The following PHF21A variants were observed in gnomAD, a reference collection of about 807,000 sequenced individuals.
PHF21A encodes PHD finger protein 21A, also known as BHC80a.
PHF21A carries 11 observed loss-of-function variants against 82.5 expected under a neutral mutation model. The observed-to-expected ratio is 0.13, with a 90% confidence interval of 0.08 to 0.22. PHF21A has a LOEUF of 0.22. Ranked by LOEUF, PHF21A falls within the 10% of genes least tolerant of loss-of-function variation. PHF21A has a pLI of 1.00. For synonymous variants in PHF21A, 297 were observed against 302.8 expected, an observed-to-expected ratio of 0.98 and a Z score of 0.20; for missense variants, 579 against 837.8, an observed-to-expected ratio of 0.69 and a Z score of 3.81.
At chr11:45,962,154 C>T (rs2093126351) in intron 10 of PHF21A, among the ~76,000 whole-genome samples, 1 of 152,180 alleles carries the variant, frequency 6.6e-6, no homozygotes, top group Non-Finnish European at 1.5e-5. Context: ...TTTAGTTTAT[C>T]CACCTTATAT....
chr11:46,076,711 G>A (rs752721147), intron 6 of PHF21A, 43 bp downstream of exon 6: 1 of 1,496,754 alleles, frequency 6.7e-7, no homozygotes, highest in Admixed American at 1.7e-5. Context: ...CATATCTTTA[G>A]AACACAACGT....
At chr11:46,013,715 C>T (rs555251011) in intron 6 of PHF21A, among the ~76,000 whole-genome samples, 3 of 152,244 alleles carry the variant, frequency 2.0e-5, no homozygotes, top group East Asian at 3.9e-4. Flanking sequence ...ATGGTAATAG[C>T]CTATTGCTTA....
At chr11:45,979,386 C>G (rs2094183515) in intron 7 of PHF21A, among the ~76,000 whole-genome samples, 1 of 152,116 alleles carries the variant, frequency 6.6e-6, no homozygotes, top group South Asian at 2.1e-4. Flanking sequence ...AGCTCTATGC[C>G]TAGTTGCTAA....
intron 6 of PHF21A, among the ~76,000 whole-genome samples, chr11:46,046,080 T>C (rs2096251510): frequency 6.6e-6 from 1 of 152,238 alleles, no homozygotes; most frequent in Non-Finnish European, 1.5e-5. Flanking sequence ...GCTAGCCAGA[T>C]TACCAAACTT....
intron 6 of PHF21A, among the ~76,000 whole-genome samples, chr11:46,066,961 A>C (rs2096601652): frequency 6.6e-6 from 1 of 152,148 alleles, no homozygotes; most frequent in South Asian, 2.1e-4. Context: ...CTGTTTTACA[A>C]TTTGCTTTTT....
At chr11:46,018,249 C>CA (rs772133757) in intron 6 of PHF21A, among the ~76,000 whole-genome samples, 18,007 of 75,890 alleles carry the variant, frequency 0.24, 1,861 homozygotes, top group African/African-American at 0.39. Flanking sequence ...GACTCCGTCT[C>CA]AAAAAAAAAA....
At chr11:46,085,886 C>G (rs1040718779) in intron 3 of PHF21A, among the ~76,000 whole-genome samples, 1 of 151,904 alleles carries the variant, frequency 6.6e-6, no homozygotes, top group Non-Finnish European at 1.5e-5. Flanking sequence ...AGAAATCTCT[C>G]TCTCAGGGCT....
At chr11:45,952,537 G>A (rs1284908479) in intron 11 of PHF21A, among the ~76,000 whole-genome samples, 3 of 152,152 alleles carry the variant, frequency 2.0e-5, no homozygotes, top group Non-Finnish European at 4.4e-5. Flanking sequence ...TTAATTCTGT[G>A]GATGATTTCA....
chr11:46,072,564 C>T (rs770053512), intron 6 of PHF21A, among the ~76,000 whole-genome samples: 2 of 152,194 alleles, frequency 1.3e-5, no homozygotes, highest in Non-Finnish European at 2.9e-5. Flanking sequence ...ATTAAGTTTT[C>T]CCTGTTTACA....
chr11:45,993,012 C>T (rs1490505726), intron 6 of PHF21A, among the ~76,000 whole-genome samples: 1 of 152,178 alleles, frequency 6.6e-6, no homozygotes, highest in African/African-American at 2.4e-5. Context: ...CTGAAGCTAT[C>T]TAGGGAATTA....
chr11:45,954,535 C>CAAGCCTCTTCTTCCAG (rs2092476528), intron 10 of PHF21A, among the ~76,000 whole-genome samples: 1 of 151,888 alleles, frequency 6.6e-6, no homozygotes, highest in African/African-American at 2.4e-5. Flanking sequence ...CTAATTTTTC[C>CAAGCCTCTTCTTCCAG]AAGCCTCTTC....
At chr11:46,103,883 G>C (rs1428497727) in intron 1 of PHF21A, among the ~76,000 whole-genome samples, 2 of 152,108 alleles carry the variant, frequency 1.3e-5, no homozygotes, top group East Asian at 3.8e-4. Context: ...ATAAGATAGA[G>C]ACATTCGTAA....
At chr11:46,109,655 C>T (rs1376119861) in intron 1 of PHF21A, among the ~76,000 whole-genome samples, 4 of 152,036 alleles carry the variant, frequency 2.6e-5, no homozygotes, top group Non-Finnish European at 5.9e-5. Context: ...TTAAGAACTA[C>T]ACCATAAACA....
intron 1 of PHF21A, among the ~76,000 whole-genome samples, chr11:46,119,194 T>G (rs1852262908): frequency 6.6e-6 from 1 of 152,136 alleles, no homozygotes; most frequent in South Asian, 2.1e-4. Flanking sequence ...TGTTCTTCCC[T>G]CTCTAACTTT....
rs145708413 is a variant in PHF21A at position 46,070,372 on chromosome 11, C to G, written c.153+6382G>C. Among the ~76,000 whole-genome samples the G allele has an allele frequency of 2.0e-3, 304 of 151,918 alleles. 1 individual carries two copies. The highest frequency in any genetic ancestry group is 6.9e-3 in the African/African-American group (284 of 41,428). ...TTTGAGACGAGTCTCACTGTGTTGCCCAGGCTGGAGTGCAGTGGCACCATC... is the reference window on the plus strand; with the variant it reads ...TTTGAGACGAGTCTCACTGTGTTGCGCAGGCTGGAGTGCAGTGGCACCATC... On this transcript the variant is annotated intron_variant, in intron 6 of 18. Transcript: ENST00000676320.
intron 4 of PHF21A, among the ~76,000 whole-genome samples, chr11:46,080,365 C>G (rs899906308): frequency 1.3e-4 from 20 of 151,862 alleles, no homozygotes; most frequent in African/African-American, 4.8e-4. Context: ...TGTTATGTTG[C>G]CCAGGCTGGT....
At chr11:46,099,556 A>ACACACACACACACACACG in intron 1 of PHF21A, among the ~76,000 whole-genome samples, 1 of 146,486 alleles carries the variant, frequency 6.8e-6, no homozygotes, top group South Asian at 2.3e-4. Flanking sequence ...ACACACACAC[A>ACACACACACACACACACG]CACACACCCT....
At chr11:45,935,267 G>T in intron 18 of PHF21A, 1 of 1,305,472 alleles carries the variant, frequency 7.7e-7, no homozygotes, top group Non-Finnish European at 1.0e-6. Context: ...TCACACGAGG[G>T]GACCTGGTCT....
Position 46,091,357 on chromosome 11 carries a change from C to T in PHF21A, c.-195-791G>A, listed in dbSNP as rs957881659. Among the ~76,000 whole-genome samples, 4 of 151,852 alleles carry T rather than the reference C, an allele frequency of 2.6e-5. No individual in the cohort carries two copies. The South Asian group carries it at 8.3e-4, about 32-fold the overall frequency. On this transcript the variant is annotated intron_variant, in intron 2 of 18. Coordinates refer to ENST00000676320, the MANE Select transcript of PHF21A (RefSeq NM_001352027.3). The stretch of plus-strand genomic sequence containing the variant: ...AATAAAGTTAATATTTGTTTGATGG[C>T]TAGTCACTAGATTGCCCTGTGCATT...
Sources: allele counts gnomAD v4.1 joint callset (sites outside exome capture counted in the v4.1 genomes callset), GRCh38; gene constraint gnomAD v4.1.1; transcripts MANE v1.5; gene names NCBI Gene and HGNC (gene_info 2026-07-23, HGNC 2026-07-21).